The following DYM variants were observed in gnomAD, a reference collection of about 807,000 sequenced individuals.
The protein encoded by DYM is dymeclin, also known as dyggve-Melchior-Clausen syndrome protein.
In DYM, 78 loss-of-function variants were observed where a neutral mutation model predicts 93.1. The observed-to-expected ratio is 0.84, with a 90% CI of 0.70 to 1.01. The LOEUF is 1.01. Among genes scored for constraint, DYM ranks in the 50% least tolerant of loss-of-function variants. The pLI, the probability that DYM is intolerant of heterozygous loss-of-function variation, is 0.00. For synonymous variants in DYM, 321 were observed against 319.7 expected, an observed-to-expected ratio of 1.00 and a Z score of -0.04; for missense variants, 789 against 845.0, an observed-to-expected ratio of 0.93 and a Z score of 0.82.
chr18:49,287,189 AAATAAT>A (rs1287050788), intron 8 of DYM, among the ~76,000 whole-genome samples: 1 of 151,992 alleles, frequency 6.6e-6, no homozygotes, highest in South Asian at 2.1e-4. Flanking sequence ...TCATCTCAAA[AAATAAT>A]AATAATAATA....
chr18:49,237,447 T>C (rs960396748), intron 13 of DYM, among the ~76,000 whole-genome samples: 3 of 152,198 alleles, frequency 2.0e-5, no homozygotes, highest in Non-Finnish European at 4.4e-5. Flanking sequence ...GAAAATCATC[T>C]AGAGTGTTAT....
At chr18:49,426,755 A>ACGTGTGTGTGTGTG (rs201910559) in intron 2 of DYM, among the ~76,000 whole-genome samples, 6 of 147,802 alleles carry the variant, frequency 4.1e-5, no homozygotes, top group East Asian at 2.0e-4. Context: ...ACTGGAAAAC[A>ACGTGTGTGTGTGTG]TGTGTGTGTG....
At chr18:49,402,420 G>A (rs551358254) in intron 2 of DYM, among the ~76,000 whole-genome samples, 1 of 152,144 alleles carries the variant, frequency 6.6e-6, no homozygotes, top group South Asian at 2.1e-4. Flanking sequence ...ATTTTTAGGG[G>A]GGAAGAAAAA....
At chr18:49,318,544 C>G (rs547924176) in intron 8 of DYM, among the ~76,000 whole-genome samples, 210 of 152,110 alleles carry the variant, frequency 1.4e-3, no homozygotes, top group Middle Eastern at 3.4e-3. Context: ...ATCACTTGAA[C>G]CAGGGAGTCA....
chr18:49,147,182 C>T (rs140726853), intron 15 of DYM, among the ~76,000 whole-genome samples: 101,598 of 150,690 alleles, frequency 0.67, 37,560 homozygotes, highest in Non-Finnish European at 0.83. Flanking sequence ...TTACACCTTA[C>T]ACAAAAATTA....
At chr18:49,295,812 G>A (rs2060500403) in intron 8 of DYM, among the ~76,000 whole-genome samples, 1 of 151,604 alleles carries the variant, frequency 6.6e-6, no homozygotes, top group African/African-American at 2.4e-5. Context: ...CAAGATAATT[G>A]TAGATTTACA....
intron 16 of DYM, among the ~76,000 whole-genome samples, chr18:49,112,434 C>T (rs1306260626): frequency 3.0e-4 from 45 of 152,134 alleles, no homozygotes. Flanking sequence ...TACCCCTGTG[C>T]TCTGCCACAG....
Position 49,317,592 on chromosome 18 carries a change from T to C in DYM, c.763+14272A>G, listed in dbSNP as rs1197134255. On this transcript the variant is annotated intron_variant, in intron 8 of 17. Transcript: ENST00000675505. ...CTCTCTCTCTCTCTCTCTCTCTCTC[T>C]CTCTCCCCCCTCCCCCCTCCCTCCC... is the stretch of plus-strand genomic sequence containing the variant. Among the ~76,000 whole-genome samples, 32 of 11,422 alleles carry C rather than the reference T, an allele frequency of 2.8e-3. 2 individuals carry two copies. Among genetic ancestry groups the C allele is most frequent in the East Asian group, 0.023 (5 of 222 alleles). 7.5% of individuals were successfully genotyped at this position (11,422 alleles called of 152,430 possible). A position where few individuals can be genotyped will look rare whatever the true frequency, so the allele number is the denominator to read the frequency against.
chr18:49,119,100 C>T (rs553239178), intron 15 of DYM, among the ~76,000 whole-genome samples, 174 bp from the exon 16 acceptor site: 9 of 152,246 alleles, frequency 5.9e-5, no homozygotes, highest in African/African-American at 2.2e-4. Context: ...TTATCAGTTA[C>T]TAAAGGATTT....
At position 49,037,983 on chromosome 18, in the gene DYM, C is replaced by A. The variant is rs2070767270; in HGVS notation, c.*6072G>T. On this transcript the variant is annotated 3_prime_UTR_variant, in exon 18 of 18. Coordinates refer to ENST00000675505, the MANE Select transcript of DYM (RefSeq NM_001353214.3). ...GGGGCTATAGGCACATGCCACCATGCCCAGTTAATTTTTTTATTTTTTGTA... is the reference window on the plus strand; with the variant it reads ...GGGGCTATAGGCACATGCCACCATGACCAGTTAATTTTTTTATTTTTTGTA... Among the ~76,000 whole-genome samples the A allele has an allele frequency of 6.6e-6, 1 of 152,120 alleles. No individual in the cohort carries two copies.
chr18:49,192,754 T>C (rs2091096609), intron 14 of DYM, among the ~76,000 whole-genome samples: 1 of 152,162 alleles, frequency 6.6e-6, no homozygotes. Context: ...CCTTGGCTAC[T>C]TGGGTTTCTC....
intron 8 of DYM, among the ~76,000 whole-genome samples, chr18:49,299,131 C>T (rs515157): frequency 0.011 from 1,610 of 152,130 alleles, 13 homozygotes; most frequent in Non-Finnish European, 0.018. Flanking sequence ...AAATGGTACA[C>T]GGATCAATGA....
At chr18:49,059,036 A>G (rs2075736424) in intron 17 of DYM, among the ~76,000 whole-genome samples, 1 of 152,252 alleles carries the variant, frequency 6.6e-6, no homozygotes, top group Non-Finnish European at 1.5e-5. Flanking sequence ...AGAGAAACTT[A>G]TACTGTAAAT....
intron 13 of DYM, among the ~76,000 whole-genome samples, chr18:49,211,884 A>G (rs1473377105): frequency 6.6e-6 from 1 of 152,242 alleles, no homozygotes; most frequent in Non-Finnish European, 1.5e-5. Flanking sequence ...TGAGTCTTGG[A>G]AAGGATTCTA....
chr18:49,234,470 C>A (rs988397450), intron 13 of DYM, among the ~76,000 whole-genome samples: 2 of 152,032 alleles, frequency 1.3e-5, no homozygotes, highest in Non-Finnish European at 1.5e-5. Context: ...AGAAAAGTCA[C>A]CCAGTGTCTC....
rs1190473747 is a variant in DYM at position 49,444,677 on chromosome 18, A to C, written c.-53-14230T>G. ...AGAAACGAACATTCCACATTTCAAAAATCATTTAACTGTGCAATGAGGAGC... is the reference window on the plus strand; with the variant it reads ...AGAAACGAACATTCCACATTTCAAACATCATTTAACTGTGCAATGAGGAGC... On this transcript the variant is annotated intron_variant, in intron 1 of 17. Transcript: ENST00000675505. 3.3e-5 allele frequency among the ~76,000 whole-genome samples: 5 copies of C among 152,342 alleles called. No individual in the cohort carries two copies. The East Asian group carries it at 7.7e-4, about 23-fold the overall frequency.
At chr18:49,431,023 CATA>C (rs2080276556) in intron 1 of DYM, among the ~76,000 whole-genome samples, 1 of 152,220 alleles carries the variant, frequency 6.6e-6, no homozygotes, top group Admixed American at 6.5e-5. Context: ...AAAGCAAAAT[CATA>C]ATAATGGTAA....
chr18:49,255,343 A>G (rs1438666977), intron 13 of DYM, among the ~76,000 whole-genome samples: 1 of 152,114 alleles, frequency 6.6e-6, no homozygotes, highest in African/African-American at 2.4e-5. Flanking sequence ...GCTCCACTGC[A>G]CTCCAGCCTG....
rs764087116 is a variant in DYM at position 49,097,530 on chromosome 18, G to A, written c.1912-15C>T. 42 of 1,608,066 alleles carry A rather than the reference G, an allele frequency of 2.6e-5. No individual in the cohort carries two copies. In the Admixed American group the frequency reaches 7.0e-4, roughly 27 times the overall value. ...AAGGAGATCACCTGTAATGTAAAGT[G>A]TTATTTTTTAAACAAGAAGAGGTAT... On this transcript the variant is annotated splice_polypyrimidine_tract_variant and intron_variant, in intron 16 of 17. Coordinates refer to ENST00000675505, the MANE Select transcript of DYM (RefSeq NM_001353214.3).
Sources: allele counts gnomAD v4.1 joint callset (sites outside exome capture counted in the v4.1 genomes callset), GRCh38; gene constraint gnomAD v4.1.1; transcripts MANE v1.5; gene names NCBI Gene and HGNC (gene_info 2026-07-23, HGNC 2026-07-21).